ARID1B: variants seen among roughly 807,000 people sequenced by gnomAD.
ARID1B encodes AT-rich interactive domain-containing protein 1B.
A neutral mutation model predicts 212.3 loss-of-function variants in ARID1B; 30 were observed. The ratio of observed to expected loss-of-function variants is 0.14; its 90% CI spans 0.11 to 0.19. The LOEUF (loss-of-function observed/expected upper bound fraction) is 0.19, where lower values mean the gene tolerates loss of function less well. Ranked by LOEUF, ARID1B falls within the 10% of genes least tolerant of loss-of-function variation. The pLI, the probability that ARID1B is intolerant of heterozygous loss-of-function variation, is 1.00. For missense variants in ARID1B, 2,891 were observed against 3,204.0 expected (o/e 0.90, Z 2.36); for synonymous variants, 1,402 against 1,301.7 (o/e 1.08, Z -1.66).
At chr6:156,903,132 T>C (rs1789089262) in intron 3 of ARID1B, among the ~76,000 whole-genome samples, 1 of 152,228 alleles carries the variant, frequency 6.6e-6, no homozygotes, top group Non-Finnish European at 1.5e-5. Flanking sequence ...TTACTTCCTT[T>C]AAAAATTATT....
At chr6:156,794,547 T>C (rs1200165505) in intron 1 of ARID1B, among the ~76,000 whole-genome samples, 1 of 149,150 alleles carries the variant, frequency 6.7e-6, no homozygotes, top group Non-Finnish European at 1.5e-5. Flanking sequence ...GTCATTCACA[T>C]GAACCATGGA....
intron 4 of ARID1B, among the ~76,000 whole-genome samples, chr6:156,963,864 A>G (rs938229232): frequency 1.3e-5 from 2 of 152,256 alleles, no homozygotes; most frequent in African/African-American, 4.8e-5. Context: ...AGGACATACA[A>G]TAATCTCTAG....
Position 157,206,560 on chromosome 6 carries a change from G to A in ARID1B, c.5788G>A (p.Gly1930Arg). Residue 1930 changes from glycine (G) to arginine (R), a missense_variant, in exon 20 of 20, where the codon GGG becomes AGG. Gly to Arg is a moderately radical substitution (Grantham distance 125, BLOSUM62 -2). Transcript: ENST00000636930. The surrounding 1 kb of genome is among the most constrained non-coding windows in gnomAD (Gnocchi z 6.8). ...TGTTGTTGACCGATCTGACAAGTTGGGGCGTGTGCAGGAGTTCAATAGTGG... is the reference window on the plus strand; with the variant it reads ...TGTTGTTGACCGATCTGACAAGTTGAGGCGTGTGCAGGAGTTCAATAGTGG... ...LFVVDRSDKL[G>R]RVQEFNSGLL... is the part of the protein sequence containing the mutation. The A allele has an allele frequency of 6.2e-7, 1 of 1,614,114 alleles. No homozygotes were observed. Among genetic ancestry groups the A allele is most frequent in the Non-Finnish European group, 8.5e-7 (1 of 1,180,004 alleles).
At chr6:156,884,903 G>C (rs1156871030) in intron 2 of ARID1B, among the ~76,000 whole-genome samples, 1 of 152,100 alleles carries the variant, frequency 6.6e-6, no homozygotes, top group Non-Finnish European at 1.5e-5. Flanking sequence ...AAGTCCTTCC[G>C]GACTACAGTG....
intron 1 of ARID1B, among the ~76,000 whole-genome samples, chr6:156,782,014 G>T: frequency 3.7e-5 from 4 of 107,708 alleles, no homozygotes; most frequent in Admixed American, 2.3e-4. Context: ...TGTTGAGGTT[G>T]GGGGAAATAT....
chr6:157,051,256 C>T (rs779341344), intron 4 of ARID1B, among the ~76,000 whole-genome samples: 81 of 151,984 alleles, frequency 5.3e-4, no homozygotes, highest in Admixed American at 9.8e-4. Context: ...TTAAGCTGAA[C>T]GAACGGATGA....
intron 3 of ARID1B, among the ~76,000 whole-genome samples, chr6:156,928,593 G>T (rs937441933): frequency 6.6e-6 from 1 of 152,136 alleles, no homozygotes; most frequent in Non-Finnish European, 1.5e-5. Context: ...ACCAAGCAGG[G>T]GGCCACATGG....
chr6:156,891,589 A>G (rs1470358802), intron 2 of ARID1B, among the ~76,000 whole-genome samples: 2 of 152,226 alleles, frequency 1.3e-5, no homozygotes, highest in Non-Finnish European at 2.9e-5. Flanking sequence ...ATTATACTAC[A>G]TATGGTTTTG....
Position 156,883,606 on chromosome 6 carries a change from C to T in ARID1B, c.1987-17770C>T, listed in dbSNP as rs575650265. Among the ~76,000 whole-genome samples, 20 of 152,294 alleles carry T rather than the reference C, an allele frequency of 1.3e-4. No homozygotes were observed. The South Asian group carries it at 3.9e-3, about 30-fold the overall frequency. On this transcript the variant is annotated intron_variant, in intron 2 of 19. Transcript: ENST00000636930. ...AGCCTGACACACATCAGCCCCAGCA[C>T]TCGGCCCACGCTCCCCACAGCATGA...
chr6:156,846,113 C>T (rs778168895), intron 2 of ARID1B, among the ~76,000 whole-genome samples: 6 of 151,924 alleles, frequency 3.9e-5, no homozygotes, highest in Non-Finnish European at 7.4e-5. Flanking sequence ...TCCTTTCAGC[C>T]CTTCACCTAT....
At chr6:157,067,216 T>G (rs1442210961) in intron 4 of ARID1B, among the ~76,000 whole-genome samples, 2 of 152,234 alleles carry the variant, frequency 1.3e-5, no homozygotes, top group Non-Finnish European at 2.9e-5. Context: ...GTCAAGTGTT[T>G]AAGGCTGAAT....
At chr6:157,073,294 G>C (rs1784102098) in intron 4 of ARID1B, among the ~76,000 whole-genome samples, 1 of 152,014 alleles carries the variant, frequency 6.6e-6, no homozygotes, top group Non-Finnish European at 1.5e-5. Flanking sequence ...AGTAGAGACA[G>C]GGTTTCACCG....
At chr6:157,045,624 G>A in intron 4 of ARID1B, among the ~76,000 whole-genome samples, 1 of 152,076 alleles carries the variant, frequency 6.6e-6, no homozygotes, top group Admixed American at 6.6e-5. Flanking sequence ...TATAAGTTAG[G>A]TGAAAGTATA....
At position 157,004,890 on chromosome 6, in the gene ARID1B, C is replaced by CTTTTTTGTTTTTTTTTTTTTTTTTTTTT. The variant is rs1779118895; in HGVS notation, c.2247+69320_2247+69321insGTTTTTTTTTTTTTTTTTTTTTTTTTTT. Among the ~76,000 whole-genome samples, 11 of 35,688 alleles carry CTTTTTTGTTTTTTTTTTTTTTTTTTTTT rather than the reference C, an allele frequency of 3.1e-4. 3 individuals carry two copies. The highest frequency in any genetic ancestry group is 4.3e-4 in the Non-Finnish European group (6 of 13,824). The allele number at this position is 35,688 out of a possible 152,430, so 23.4% of individuals were successfully genotyped here. A position where few individuals can be genotyped will look rare whatever the true frequency, so the allele number is the denominator to read the frequency against. ...GCATTTCTTTTTTCTTTTTCTTCTT[C>CTTTTTTGTTTTTTTTTTTTTTTTTTTTT]TTTTTTCTTTTTTTTTTTTTTTTTT... On this transcript the variant is annotated intron_variant, in intron 4 of 19. Coordinates refer to ENST00000636930, the MANE Select transcript of ARID1B (RefSeq NM_001374828.1).
chr6:157,073,515 C>T (rs184101565), intron 4 of ARID1B, among the ~76,000 whole-genome samples: 1 of 152,300 alleles, frequency 6.6e-6, no homozygotes, highest in East Asian at 1.9e-4. Context: ...TGTGTCAGAA[C>T]TGTGTTAATA....
chr6:157,031,060 GTT>G (rs113662756), intron 4 of ARID1B, among the ~76,000 whole-genome samples: 1 of 146,188 alleles, frequency 6.8e-6, no homozygotes. Context: ...CTTATGGTTG[GTT>G]TTTTTTTTTC....
intron 7 of ARID1B, among the ~76,000 whole-genome samples, chr6:157,133,512 A>G (rs1227308417): frequency 1.3e-5 from 2 of 152,212 alleles, no homozygotes; most frequent in African/African-American, 4.8e-5. Flanking sequence ...CGTAGAGAAA[A>G]AGACACAAGC....
intron 2 of ARID1B, among the ~76,000 whole-genome samples, chr6:156,888,082 G>A (rs974700774): frequency 6.6e-5 from 10 of 152,170 alleles, no homozygotes; most frequent in African/African-American, 1.2e-4. Context: ...CCAGTCATGC[G>A]GTTACAAAGT....
At position 157,208,710 on chromosome 6, in the gene ARID1B, CTTTTCT is replaced by C; in HGVS notation, c.*824_*829del. On this transcript the variant is annotated 3_prime_UTR_variant, in exon 20 of 20. Coordinates refer to ENST00000636930, the MANE Select transcript of ARID1B (RefSeq NM_001374828.1). ...ACATTAAACATACCCTCATTTTTTT[CTTTTCT>C]TTTTTTTTTTTTTTTTTAGTACAAA... 2.3e-5 allele frequency: 4 copies of C among 171,584 alleles called. No individual in the cohort carries two copies. The highest frequency in any genetic ancestry group is 2.2e-5 in the Non-Finnish European group (2 of 90,720). 10.6% of individuals were successfully genotyped at this position (171,584 alleles called of 1,614,324 possible).
Sources: allele counts gnomAD v4.1 joint callset (sites outside exome capture counted in the v4.1 genomes callset), GRCh38; gene constraint gnomAD v4.1.1; non-coding constraint Gnocchi (gnomAD v3.1); transcripts MANE v1.5; gene names NCBI Gene and HGNC (gene_info 2026-07-23, HGNC 2026-07-21).